Variants in SOHLH2 observed in about 807,000 individuals in gnomAD.
SOHLH2 encodes spermatogenesis- and oogenesis-specific basic helix-loop-helix-containing protein 2.
Under a neutral mutation model 50.4 loss-of-function variants are expected in SOHLH2, and 22 were observed. The ratio of observed to expected loss-of-function variants is 0.44; its 90% CI spans 0.31 to 0.62. SOHLH2 has a LOEUF of 0.62. Ranked by LOEUF, SOHLH2 falls within the 20% of genes least tolerant of loss-of-function variation. The pLI, the probability that SOHLH2 is intolerant of heterozygous loss-of-function variation, is 0.08. For synonymous variants in SOHLH2, 185 were observed against 187.3 expected (o/e 0.99, Z 0.10); for missense variants, 412 against 504.4 (o/e 0.82, Z 1.76).
intron 6 of SOHLH2, chr13:36,181,902 G>A (rs1453355631): frequency 3.8e-6 from 2 of 525,494 alleles, no homozygotes; most frequent in African/African-American, 4.1e-5. Flanking sequence ...ATCTGAAAAT[G>A]TCTTTATCTT....
At chr13:36,175,121 G>A (rs1887065817) in intron 6 of SOHLH2, among the ~76,000 whole-genome samples, 1 of 152,212 alleles carries the variant, frequency 6.6e-6, no homozygotes, top group Non-Finnish European at 1.5e-5. Flanking sequence ...GTGTGCCGAT[G>A]GCAGCCCCAG....
intron 1 of SOHLH2, among the ~76,000 whole-genome samples, chr13:36,207,758 T>G (rs532110781): frequency 6.6e-5 from 10 of 152,308 alleles, no homozygotes; most frequent in African/African-American, 2.2e-4. Context: ...TTACTGGCTT[T>G]TGAGGAGTGC....
chr13:36,173,646 AG>A (rs1887022901), intron 9 of SOHLH2, 45 bp downstream of exon 9: 1 of 1,608,968 alleles, frequency 6.2e-7, no homozygotes, highest in Non-Finnish European at 8.5e-7. Context: ...TTTGCAGGGC[AG>A]GGCAGGTCCC....
At position 36,170,538 on chromosome 13, in the gene SOHLH2, T is replaced by C. The variant is rs1334761878; in HGVS notation, c.1250A>G (p.Asn417Ser). 4 of 1,613,534 alleles carry C rather than the reference T, an allele frequency of 2.5e-6. No individual in the cohort carries two copies. The highest frequency in any genetic ancestry group is 3.4e-6 in the Non-Finnish European group (4 of 1,179,740). ...GLGQTCTTHP[N>S]CLQQFWAY ...GGACCCCTGGAAACTTACCAGACAGTTGGGATGTGTAGTGCACGTCTGGCC... is the reference window on the plus strand; with the variant it reads ...GGACCCCTGGAAACTTACCAGACAGCTGGGATGTGTAGTGCACGTCTGGCC... The change falls in exon 10 of 11, where the codon AAC becomes AGC. Residue 417 changes from asparagine to serine, a missense_variant. Asn to Ser is a conservative substitution (Grantham distance 46, BLOSUM62 1). Transcript: ENST00000379881.
At chr13:36,205,144 C>A (rs1202984543) in intron 1 of SOHLH2, among the ~76,000 whole-genome samples, 1 of 152,146 alleles carries the variant, frequency 6.6e-6, no homozygotes, top group Admixed American at 6.5e-5. Context: ...CTTTATAGTA[C>A]TCTCTGTTCA....
chr13:36,170,451 C>T, intron 10 of SOHLH2, 80 bp downstream of exon 10: 1 of 1,514,202 alleles, frequency 6.6e-7, no homozygotes, highest in Non-Finnish European at 8.8e-7. Flanking sequence ...ACCAGAGTAG[C>T]AACAACAAAT....
chr13:36,184,621 A>AGC (rs1400127272), intron 6 of SOHLH2, among the ~76,000 whole-genome samples: 1 of 151,822 alleles, frequency 6.6e-6, no homozygotes. Context: ...CACCACACCC[A>AGC]GCTAACTTTT....
At chr13:36,200,097 G>T (rs77512023) in intron 2 of SOHLH2, among the ~76,000 whole-genome samples, 2,266 of 152,252 alleles carry the variant, frequency 0.015, 26 homozygotes, top group Non-Finnish European at 0.022. Context: ...TCTTAGGCAA[G>T]TCACTTCAGC....
intron 2 of SOHLH2, among the ~76,000 whole-genome samples, chr13:36,197,238 T>C (rs1320088828): frequency 6.6e-6 from 1 of 152,174 alleles, no homozygotes; most frequent in African/African-American, 2.4e-5. Flanking sequence ...TCATGATGTT[T>C]CCTGAGGCTA....
At chr13:36,198,932 G>A (rs1047384618) in intron 2 of SOHLH2, among the ~76,000 whole-genome samples, 2 of 152,106 alleles carry the variant, frequency 1.3e-5, no homozygotes, top group South Asian at 2.1e-4. Flanking sequence ...AGTAAGGTAC[G>A]TAGTTGTACA....
intron 9 of SOHLH2, among the ~76,000 whole-genome samples, chr13:36,172,701 G>A (rs1031992909): frequency 3.9e-5 from 6 of 152,150 alleles, no homozygotes; most frequent in African/African-American, 9.7e-5. Flanking sequence ...TTTGAGGCAG[G>A]GACATTTAAG....
intron 2 of SOHLH2, among the ~76,000 whole-genome samples, chr13:36,200,974 G>T (rs542852720): frequency 6.6e-6 from 1 of 150,850 alleles, no homozygotes; most frequent in Admixed American, 6.6e-5. Context: ...ACTTGAACCC[G>T]GGAGGTGCAG....
chr13:36,203,646 A>C (rs193130002), intron 1 of SOHLH2, among the ~76,000 whole-genome samples: 45 of 152,348 alleles, frequency 3.0e-4, no homozygotes, highest in Admixed American at 2.4e-3. Flanking sequence ...AGTATATATG[A>C]GTACTCATTT....
intron 1 of SOHLH2, among the ~76,000 whole-genome samples, chr13:36,210,105 T>C (rs1476324735): frequency 6.6e-6 from 1 of 152,220 alleles, no homozygotes; most frequent in African/African-American, 2.4e-5. Context: ...ATCTCATGTA[T>C]AGTTCATTTT....
intron 1 of SOHLH2, among the ~76,000 whole-genome samples, chr13:36,210,657 T>G (rs1337287677): frequency 6.6e-6 from 1 of 152,168 alleles, no homozygotes; most frequent in African/African-American, 2.4e-5. Flanking sequence ...GTGTGCTCAA[T>G]CATCATGAGC....
At chr13:36,179,017 G>T (rs139468808) in intron 6 of SOHLH2, among the ~76,000 whole-genome samples, 5 of 152,104 alleles carry the variant, frequency 3.3e-5, no homozygotes, top group African/African-American at 1.2e-4. Context: ...AACGTCTTAG[G>T]ACTTTGACTT....
chr13:36,213,452 A>G (rs1869238219), intron 1 of SOHLH2, among the ~76,000 whole-genome samples: 2 of 152,160 alleles, frequency 1.3e-5, no homozygotes, highest in Non-Finnish European at 2.9e-5. Flanking sequence ...CTAAGAGGTA[A>G]TAAGACTACA....
chr13:36,207,488 A>C (rs1429493790), intron 1 of SOHLH2, among the ~76,000 whole-genome samples: 1 of 152,194 alleles, frequency 6.6e-6, no homozygotes, highest in Admixed American at 6.5e-5. Context: ...GTGAGTTCTC[A>C]TAAACATCTG....
intron 6 of SOHLH2, among the ~76,000 whole-genome samples, chr13:36,189,149 T>C (rs1887506050): frequency 6.6e-6 from 1 of 152,128 alleles, no homozygotes; most frequent in African/African-American, 2.4e-5. Flanking sequence ...CTCTATCTCA[T>C]TGCTAACACC....
Sources: gnomAD v4.1 joint callset for allele counts (sites outside exome capture counted in the v4.1 genomes callset) on GRCh38, gnomAD v4.1.1 for gene constraint, MANE v1.5 for transcripts, NCBI Gene and HGNC (gene_info 2026-07-23, HGNC 2026-07-21) for gene names.